Variants in MIB1 observed in about 807,000 individuals in gnomAD.
The protein encoded by MIB1 is E3 ubiquitin-protein ligase MIB1.
A neutral mutation model predicts 124.5 loss-of-function variants in MIB1; 278 were observed. The observed-to-expected ratio is 2.23, with a 90% CI of 2.02 to 2.47. MIB1 has a LOEUF of 2.47. MIB1 is among the 30% of genes most tolerant of loss of function. The probability of loss-of-function intolerance (pLI) is 0.00; values close to 1 mark genes in which losing one functional copy is unlikely to be tolerated. For synonymous variants in MIB1, 446 were observed against 429.4 expected (o/e 1.04, Z -0.48); for missense variants, 957 against 1,254.4 (o/e 0.76, Z 3.58).
intron 1 of MIB1, among the ~76,000 whole-genome samples, chr18:21,753,570 A>G (rs889578730): frequency 6.6e-6 from 1 of 152,128 alleles, no homozygotes; most frequent in Non-Finnish European, 1.5e-5. Flanking sequence ...AGTCAAGTCT[A>G]AGTTTTGTTT....
At chr18:21,855,260 T>C (rs928589377) in intron 18 of MIB1, among the ~76,000 whole-genome samples, 1 of 152,194 alleles carries the variant, frequency 6.6e-6, no homozygotes, top group Non-Finnish European at 1.5e-5. Context: ...TATACAGTAA[T>C]GTAGTTCGTC....
chr18:21,815,766 C>T lies in MIB1; in HGVS notation c.1630C>T (p.Gln544Ter). Reference sequence around the variant, plus strand: ...TATTGCTGTCAATAAAGGTCATCTTCAAGTTGTGAAGACTTTATTGGACTT... The same window carrying T: ...TATTGCTGTCAATAAAGGTCATCTTTAAGTTGTGAAGACTTTATTGGACTT... ...LHIAVNKGHL[Q>*]VVKTLLDFGC... is the part of the protein sequence containing the mutation. The change falls in exon 11 of 21, where the codon CAA becomes TAA. Residue 544 changes from glutamine to a stop codon, truncating the protein, a stop_gained. Coordinates refer to ENST00000261537, the MANE Select transcript of MIB1 (RefSeq NM_020774.4). LOFTEE classifies it high-confidence loss of function. 3 of 1,614,156 alleles carry T rather than the reference C, an allele frequency of 1.9e-6. No individual in the cohort carries two copies. The highest frequency in any genetic ancestry group is 2.5e-6 in the Non-Finnish European group (3 of 1,180,008).
chr18:21,769,211 A>G (rs1210716741), intron 3 of MIB1, among the ~76,000 whole-genome samples: 1 of 152,136 alleles, frequency 6.6e-6, no homozygotes, highest in East Asian at 1.9e-4. Flanking sequence ...GCGGGCTCAG[A>G]GTTTTAGGAG....
intron 4 of MIB1, among the ~76,000 whole-genome samples, chr18:21,774,786 T>A (rs140101206): frequency 6.6e-6 from 1 of 151,858 alleles, no homozygotes; most frequent in East Asian, 1.9e-4. Flanking sequence ...CCTTAATTTA[T>A]TTCCATTTAT....
At chr18:21,796,455 T>C (rs2041582066) in intron 7 of MIB1, among the ~76,000 whole-genome samples, 1 of 152,004 alleles carries the variant, frequency 6.6e-6, no homozygotes, top group South Asian at 2.1e-4. Flanking sequence ...ATGCGGGGCC[T>C]AAAACCTAGA....
chr18:21,731,432 C>A (rs965194654), intron 1 of MIB1, among the ~76,000 whole-genome samples: 3 of 152,106 alleles, frequency 2.0e-5, no homozygotes, highest in African/African-American at 7.2e-5. Flanking sequence ...TGCCAGTTTT[C>A]AACTACTACA....
chr18:21,831,666 G>T (rs1057264524), intron 12 of MIB1, among the ~76,000 whole-genome samples: 1 of 151,570 alleles, frequency 6.6e-6, no homozygotes, highest in Non-Finnish European at 1.5e-5. Context: ...TTTTTTGAGG[G>T]GGGGTAAGCA....
In MIB1 at chr18:21,819,583, TTA is replaced by T; in HGVS notation, c.1767_1768del (p.Thr590HisfsTer5). ...GTTCTTTTGGAAGCTGGAGCAGATGTTACCATCACAAACAATAATGGATTTAA... is the reference window on the plus strand; with the variant it reads ...GTTCTTTTGGAAGCTGGAGCAGATGTCCATCACAAACAATAATGGATTTAA... On this transcript the variant is annotated frameshift_variant, in exon 12 of 21. Transcript: ENST00000261537. LOFTEE classifies it high-confidence loss of function. 1 of 1,612,150 alleles carries T rather than the reference TTA, an allele frequency of 6.2e-7. No individual in the cohort carries two copies. The highest frequency in any genetic ancestry group is 8.5e-7 in the Non-Finnish European group (1 of 1,178,804).
chr18:21,840,209 A>G (rs1418462154), intron 13 of MIB1, among the ~76,000 whole-genome samples: 2 of 152,232 alleles, frequency 1.3e-5, no homozygotes, highest in African/African-American at 4.8e-5. Context: ...AGTATTTTCT[A>G]TATAGCAATC....
At chr18:21,817,208 C>A (rs1230007894) in intron 11 of MIB1, among the ~76,000 whole-genome samples, 1 of 122,904 alleles carries the variant, frequency 8.1e-6, no homozygotes, top group Non-Finnish European at 1.6e-5. Flanking sequence ...GTTGCCCAGG[C>A]TGGAATTCAG....
At chr18:21,833,583 G>A (rs1439355851) in intron 12 of MIB1, among the ~76,000 whole-genome samples, 1 of 152,190 alleles carries the variant, frequency 6.6e-6, no homozygotes, top group African/African-American at 2.4e-5. Flanking sequence ...GTACTAACAT[G>A]TAAGGCCTCC....
At chr18:21,764,410 CG>C in intron 1 of MIB1, among the ~76,000 whole-genome samples, 1 of 152,004 alleles carries the variant, frequency 6.6e-6, no homozygotes, top group East Asian at 1.9e-4. Flanking sequence ...TCTTTCTTAT[CG>C]GGAAGTACCC....
At chr18:21,767,395 A>G (rs2041173632) in intron 2 of MIB1, among the ~76,000 whole-genome samples, 1 of 152,110 alleles carries the variant, frequency 6.6e-6, no homozygotes, top group Admixed American at 6.6e-5. Context: ...AGAGAACAGC[A>G]TGGAGGTAAC....
chr18:21,769,703 C>T (rs959173840), intron 3 of MIB1, among the ~76,000 whole-genome samples: 3 of 152,184 alleles, frequency 2.0e-5, no homozygotes, highest in Admixed American at 6.5e-5. Context: ...TATTTTTCCT[C>T]ATAGTTAATT....
intron 4 of MIB1, among the ~76,000 whole-genome samples, chr18:21,776,988 A>T (rs747559978): frequency 6.6e-6 from 1 of 152,062 alleles, no homozygotes; most frequent in Non-Finnish European, 1.5e-5. Flanking sequence ...AAAAAAAAAA[A>T]TTGATGTAAA....
intron 1 of MIB1, among the ~76,000 whole-genome samples, chr18:21,745,437 G>C (rs961688881): frequency 6.6e-6 from 1 of 152,182 alleles, no homozygotes; most frequent in Non-Finnish European, 1.5e-5. Flanking sequence ...GACATTGCCA[G>C]ATGTCCCCTA....
intron 17 of MIB1, among the ~76,000 whole-genome samples, chr18:21,850,968 C>A (rs2042174621): frequency 6.6e-6 from 1 of 152,038 alleles, no homozygotes; most frequent in Non-Finnish European, 1.5e-5. Flanking sequence ...GTTTTATAGT[C>A]AAGACAAAGA....
At chr18:21,710,505 T>G (rs1022322135) in intron 1 of MIB1, among the ~76,000 whole-genome samples, 1 of 152,202 alleles carries the variant, frequency 6.6e-6, no homozygotes, top group African/African-American at 2.4e-5. Flanking sequence ...ATTCCAGCAC[T>G]TTGGGAGGCC....
intron 13 of MIB1, among the ~76,000 whole-genome samples, chr18:21,840,142 C>T (rs1205361601): frequency 2.6e-5 from 4 of 152,090 alleles, no homozygotes. Flanking sequence ...TGTATATTTT[C>T]CATATATCCT....
Sources: allele counts gnomAD v4.1 joint callset (sites outside exome capture counted in the v4.1 genomes callset), GRCh38; gene constraint gnomAD v4.1.1; transcripts MANE v1.5; gene names NCBI Gene and HGNC (gene_info 2026-07-23, HGNC 2026-07-21).